FOCAD: variants seen among roughly 807,000 people sequenced by gnomAD.
The protein encoded by FOCAD is KIAA1797.
FOCAD carries 198 observed loss-of-function variants against 225.6 expected under a neutral mutation model. The observed-to-expected ratio is 0.88, with a 90% CI of 0.78 to 0.99. The LOEUF is 0.99. Ranked by LOEUF, FOCAD falls within the 50% of genes least tolerant of loss-of-function variation. FOCAD has a pLI of 0.00. For missense variants in FOCAD, 2,713 were observed against 2,123.6 expected (o/e 1.28, Z -5.46); for synonymous variants, 897 against 755.0 (o/e 1.19, Z -3.08).
At chr9:20,787,141 C>T (rs1820005575) in intron 10 of FOCAD, 1 of 177,136 alleles carries the variant, frequency 5.6e-6, no homozygotes, top group South Asian at 1.1e-4. Context: ...CATAACAGTT[C>T]AAGTAACCTA....
At position 20,729,438 on chromosome 9, in the gene FOCAD, A is replaced by G. The variant is rs373820307; in HGVS notation, c.287+8904A>G. ...ATACCGGTTATTGGATTTACGACCC[A>G]CCTAGGATGATCTCATCCCAAGATA... On this transcript the variant is annotated intron_variant, in intron 4 of 43. Transcript: ENST00000338382. Among the ~76,000 whole-genome samples the G allele has an allele frequency of 3.3e-5, 5 of 152,286 alleles. No homozygotes were observed. In the East Asian group the frequency reaches 7.7e-4, roughly 23 times the overall value.
intron 10 of FOCAD, among the ~76,000 whole-genome samples, chr9:20,784,235 C>T (rs1819686628): frequency 6.6e-6 from 1 of 152,124 alleles, no homozygotes; most frequent in South Asian, 2.1e-4. Context: ...CCTGTATGTC[C>T]CTAGCAGCCA....
At chr9:20,941,285 T>G (rs75117344) in intron 28 of FOCAD, among the ~76,000 whole-genome samples, 425 of 152,318 alleles carry the variant, frequency 2.8e-3, no homozygotes, top group African/African-American at 9.9e-3. Context: ...TGGTAGCTCA[T>G]TGTGCCATTG....
chr9:20,773,364 A>T (rs1490077528), intron 8 of FOCAD, among the ~76,000 whole-genome samples: 3 of 152,252 alleles, frequency 2.0e-5, no homozygotes, highest in Non-Finnish European at 2.9e-5. Flanking sequence ...ACAAATGCAC[A>T]TGCCTGGGCC....
At chr9:20,656,606 C>CT (rs1009500325), upstream of FOCAD, among the ~76,000 whole-genome samples, 521 of 151,632 alleles carry the variant, frequency 3.4e-3, 4 homozygotes, top group African/African-American at 0.012. Flanking sequence ...CAACCCCTGC[C>CT]TTTTTTTGTT....
chr9:20,694,621 T>G (rs1274149047), intron 1 of FOCAD: 1 of 152,204 alleles, frequency 6.6e-6, no homozygotes, highest in Non-Finnish European at 1.5e-5. Context: ...GTTACTTTTT[T>G]AAAATTTTCT....
intron 1 of FOCAD, chr9:20,694,407 TA>T (rs2131364335): frequency 6.6e-6 from 1 of 152,284 alleles, no homozygotes; most frequent in Admixed American, 6.5e-5. Context: ...ATGAAGCTAT[TA>T]TAAGGAGTGT....
At chr9:20,690,521 T>G (rs1038361128) in intron 1 of FOCAD, among the ~76,000 whole-genome samples, 1 of 152,088 alleles carries the variant, frequency 6.6e-6, no homozygotes, top group African/African-American at 2.4e-5. Flanking sequence ...TAAAAGTAAC[T>G]TTTCTGAGAA....
At chr9:20,786,431 A>G (rs1222043043) in intron 10 of FOCAD, among the ~76,000 whole-genome samples, 2 of 152,174 alleles carry the variant, frequency 1.3e-5, no homozygotes, top group African/African-American at 2.4e-5. Context: ...GCTCTTGTCT[A>G]GAGTCTTCAT....
At chr9:20,824,978 AT>A (rs1348750480) in intron 15 of FOCAD, among the ~76,000 whole-genome samples, 1 of 152,026 alleles carries the variant, frequency 6.6e-6, no homozygotes, top group Non-Finnish European at 1.5e-5. Flanking sequence ...GAATTGTGGA[AT>A]TTGTTGAAAA....
At chr9:20,832,860 C>T (rs976734413) in intron 15 of FOCAD, among the ~76,000 whole-genome samples, 8 of 151,984 alleles carry the variant, frequency 5.3e-5, no homozygotes, top group Non-Finnish European at 1.2e-4. Flanking sequence ...TCAGTGGACA[C>T]TTAGGTTGTT....
rs1224516311 is a variant in FOCAD at position 20,971,952 on chromosome 9, G to A, written c.4133-4468G>A. Among the ~76,000 whole-genome samples the A allele has an allele frequency of 2.0e-5, 3 of 151,980 alleles. 1 individual carries two copies. The highest frequency in any genetic ancestry group is 4.8e-5 in the African/African-American group (2 of 41,340). On this transcript the variant is annotated intron_variant, in intron 35 of 43. Coordinates refer to ENST00000338382, the MANE Select transcript of FOCAD (RefSeq NM_001375567.1). ...TTCTTTTTTTATAAGACTGAATAAT[G>A]TTCCATGTTATGTATATACTGCATT...
intron 4 of FOCAD, among the ~76,000 whole-genome samples, chr9:20,737,407 T>G (rs1474625708): frequency 6.6e-6 from 1 of 152,254 alleles, no homozygotes; most frequent in South Asian, 2.1e-4. Flanking sequence ...GATTATTTAA[T>G]GAATTTGTAT....
intron 5 of FOCAD, among the ~76,000 whole-genome samples, chr9:20,754,571 G>A (rs1463486562): frequency 6.6e-6 from 1 of 151,366 alleles, no homozygotes; most frequent in Non-Finnish European, 1.5e-5. Flanking sequence ...TAACAATTTG[G>A]GACTGGTGCA....
At chr9:20,733,074 G>A (rs1826848756) in intron 4 of FOCAD, among the ~76,000 whole-genome samples, 1 of 152,030 alleles carries the variant, frequency 6.6e-6, no homozygotes, top group Non-Finnish European at 1.5e-5. Flanking sequence ...TATCTAATCA[G>A]CTCTTTTTTG....
intron 35 of FOCAD, among the ~76,000 whole-genome samples, chr9:20,965,449 G>C (rs892092265): frequency 1.3e-5 from 2 of 152,028 alleles, no homozygotes; most frequent in Non-Finnish European, 2.9e-5. Context: ...TTTTTCAGGG[G>C]CTGCATGGTA....
intron 21 of FOCAD, among the ~76,000 whole-genome samples, chr9:20,905,577 G>A (rs1275540372): frequency 6.6e-6 from 1 of 151,914 alleles, no homozygotes; most frequent in Non-Finnish European, 1.5e-5. Flanking sequence ...TATTGTTTCT[G>A]TTAAATCCAG....
intron 3 of FOCAD, among the ~76,000 whole-genome samples, chr9:20,719,217 G>A (rs1412956843): frequency 6.6e-6 from 1 of 152,082 alleles, no homozygotes; most frequent in Middle Eastern, 3.2e-3. Flanking sequence ...GAGTAGCTGG[G>A]ACTACAGGTG....
intron 2 of FOCAD, among the ~76,000 whole-genome samples, chr9:20,672,867 C>G (rs1177985542): frequency 7.2e-5 from 11 of 152,376 alleles, no homozygotes; most frequent in East Asian, 5.8e-4. Flanking sequence ...CACCAAACTT[C>G]AGTTCCATGG....
Sources: allele counts gnomAD v4.1 joint callset (sites outside exome capture counted in the v4.1 genomes callset), GRCh38; gene constraint gnomAD v4.1.1; transcripts MANE v1.5; gene names NCBI Gene and HGNC (gene_info 2026-07-23, HGNC 2026-07-21).